The following GNB4 variants were observed in gnomAD, a reference collection of about 807,000 sequenced individuals.
GNB4 encodes guanine nucleotide-binding protein subunit beta-4.
GNB4 carries 28 observed loss-of-function variants against 45.2 expected under a neutral mutation model. That is an observed-to-expected ratio of 0.62 (90% CI 0.46 to 0.85). The LOEUF (loss-of-function observed/expected upper bound fraction) is 0.85. GNB4 is among the 40% of genes least tolerant of loss of function. The pLI, the probability that GNB4 is intolerant of heterozygous loss-of-function variation, is 0.00. For missense variants in GNB4, 321 were observed against 425.4 expected, an observed-to-expected ratio of 0.75 and a Z score of 2.16; for synonymous variants, 132 against 143.7, an observed-to-expected ratio of 0.92 and a Z score of 0.58.
At chr3:179,425,023 A>G (rs1156419045) in intron 2 of GNB4, among the ~76,000 whole-genome samples, 2 of 152,230 alleles carry the variant, frequency 1.3e-5, no homozygotes, top group African/African-American at 4.8e-5. Flanking sequence ...TTACCCTTGT[A>G]CGTTGCTTTA....
the GNB4 span, among the ~76,000 whole-genome samples, chr3:179,519,151 A>C: frequency 1.3e-5 from 2 of 152,212 alleles, no homozygotes; most frequent in East Asian, 1.9e-4. Context: ...TGCCAGAAAT[A>C]TGGCCACTGG....
chr3:179,519,133 G>C, the GNB4 span, among the ~76,000 whole-genome samples: 2,884 of 152,312 alleles, frequency 0.019, 86 homozygotes, highest in African/African-American at 0.066. Context: ...CCAGGAGCTT[G>C]CTACAAGTGC....
upstream of GNB4, chr3:179,451,630 G>C (rs1043107464): frequency 4.0e-5 from 6 of 151,490 alleles, no homozygotes; most frequent in African/African-American, 1.4e-4. Context: ...CGGGCGGGGG[G>C]CGAAGGGAGC....
the GNB4 span, among the ~76,000 whole-genome samples, chr3:179,508,856 A>G: frequency 1.3e-5 from 2 of 150,026 alleles, no homozygotes; most frequent in East Asian, 1.9e-4. Context: ...TTATTTCAAA[A>G]CTGTTTTATA....
At chr3:179,440,356 G>A (rs1261911343) in intron 1 of GNB4, among the ~76,000 whole-genome samples, 1 of 152,138 alleles carries the variant, frequency 6.6e-6, no homozygotes, top group African/African-American at 2.4e-5. Context: ...TGAAAAAAGA[G>A]ACACTTGAGA....
the GNB4 span, among the ~76,000 whole-genome samples, chr3:179,470,309 A>G: frequency 1.3e-5 from 2 of 152,116 alleles, no homozygotes; most frequent in African/African-American, 4.8e-5. Flanking sequence ...TATCATAGGA[A>G]GTGACAGCTC....
At chr3:179,431,965 AAAAAG>A (rs1172564959) in intron 1 of GNB4, among the ~76,000 whole-genome samples, 8 of 152,194 alleles carry the variant, frequency 5.3e-5, no homozygotes, top group Admixed American at 5.2e-4. Flanking sequence ...TCCCTCCCTT[AAAAAG>A]AAAAAGAAAA....
chr3:179,422,149 A>G (rs1249088113), intron 2 of GNB4, among the ~76,000 whole-genome samples: 1 of 152,228 alleles, frequency 6.6e-6, no homozygotes, highest in Non-Finnish European at 1.5e-5. Flanking sequence ...TTAGTAACAC[A>G]ATTTAAAAAT....
the GNB4 span, among the ~76,000 whole-genome samples, chr3:179,517,782 C>T: frequency 3.0e-3 from 457 of 152,246 alleles, 5 homozygotes; most frequent in East Asian, 0.047. Context: ...ACGTTTTATC[C>T]GTGAACCCAA....
At chr3:179,515,684 G>A in the GNB4 span, among the ~76,000 whole-genome samples, 1 of 152,204 alleles carries the variant, frequency 6.6e-6, no homozygotes, top group Non-Finnish European at 1.5e-5. Context: ...TGGGCTCAGA[G>A]GCCTGACATT....
At chr3:179,453,466 T>C (rs568875499), upstream of GNB4, among the ~76,000 whole-genome samples, 8 of 152,288 alleles carry the variant, frequency 5.3e-5, no homozygotes, top group East Asian at 1.3e-3. Context: ...TCCTGTGCAC[T>C]AGCATTTACC....
At chr3:179,489,019 A>AATATATAT in the GNB4 span, among the ~76,000 whole-genome samples, 149 of 21,338 alleles carry the variant, frequency 7.0e-3, 2 homozygotes, top group African/African-American at 0.024. Flanking sequence ...AAAAAAAAAA[A>AATATATAT]ATATATATAT....
chr3:179,507,403 G>T, the GNB4 span, among the ~76,000 whole-genome samples: 2 of 152,124 alleles, frequency 1.3e-5, no homozygotes, highest in South Asian at 2.1e-4. Context: ...AAGGAAGGAA[G>T]GAAGGAAGGG....
chr3:179,423,720 G>A (rs1715061189), intron 2 of GNB4, among the ~76,000 whole-genome samples: 1 of 151,884 alleles, frequency 6.6e-6, no homozygotes. Flanking sequence ...GGCAGAGGTT[G>A]CAGTGAGAAG....
rs145454556 is a variant in GNB4 at position 179,413,830 on chromosome 3, T to C, written c.431-49A>G. 1.5e-4 allele frequency: 195 copies of C among 1,330,804 alleles called. No individual in the cohort carries two copies. The Middle Eastern group carries it at 2.9e-3, about 20-fold the overall frequency. 82.4% of individuals were successfully genotyped at this position (1,330,804 alleles called of 1,614,324 possible). On this transcript the variant is annotated intron_variant, in intron 6 of 9. Coordinates refer to ENST00000232564, the MANE Select transcript of GNB4 (RefSeq NM_021629.4). ...TTTAGGTTATCACTGATTGAATAAC[T>C]CAGTTACCATGTGAAATAGCAATAT...
chr3:179,412,248 G>A (rs1234216976), intron 8 of GNB4, among the ~76,000 whole-genome samples: 4 of 152,074 alleles, frequency 2.6e-5, no homozygotes, highest in African/African-American at 7.2e-5. Context: ...TGGGAGGATC[G>A]CTGAGCCCAG....
chr3:179,431,378 G>A (rs754311585), intron 1 of GNB4, among the ~76,000 whole-genome samples: 7 of 151,902 alleles, frequency 4.6e-5, no homozygotes, highest in Non-Finnish European at 7.4e-5. Context: ...CCAATATGGC[G>A]AAACCCCATC....
chr3:179,479,889 T>G, the GNB4 span, among the ~76,000 whole-genome samples: 3 of 152,332 alleles, frequency 2.0e-5, no homozygotes, highest in South Asian at 4.1e-4. Context: ...TGTATACCAA[T>G]TGCTATGGTT....
the GNB4 span, among the ~76,000 whole-genome samples, chr3:179,495,232 A>AAG: frequency 6.6e-6 from 1 of 152,188 alleles, no homozygotes; most frequent in African/African-American, 2.4e-5. Flanking sequence ...AAAGGAAAAA[A>AAG]AGAGAGGCTG....
Sources: allele counts gnomAD v4.1 joint callset (sites outside exome capture counted in the v4.1 genomes callset), GRCh38; gene constraint gnomAD v4.1.1; transcripts MANE v1.5; gene names NCBI Gene and HGNC (gene_info 2026-07-23, HGNC 2026-07-21).